ARRB1: variants seen among roughly 807,000 people sequenced by gnomAD.
The protein encoded by ARRB1 is beta-arrestin-1.
Under a neutral mutation model 56.8 loss-of-function variants are expected in ARRB1, and 21 were observed. The observed-to-expected ratio is 0.37, with a 90% CI of 0.26 to 0.53. The LOEUF (loss-of-function observed/expected upper bound fraction) is 0.53, where lower values mean the gene tolerates loss of function less well. ARRB1 is among the 20% of genes least tolerant of loss of function. The probability of loss-of-function intolerance (pLI) is 0.88; values close to 1 mark genes in which losing one functional copy is unlikely to be tolerated. For missense variants in ARRB1, 424 were observed against 553.7 expected (o/e 0.77, Z 2.35); for synonymous variants, 210 against 218.6 (o/e 0.96, Z 0.35).
At chr11:75,350,316 C>T (rs377391770) in intron 1 of ARRB1, among the ~76,000 whole-genome samples, 14 of 152,038 alleles carry the variant, frequency 9.2e-5, no homozygotes, top group Non-Finnish European at 1.8e-4. Context: ...CCCCACACTA[C>T]GCCTAGTATA....
intron 1 of ARRB1, among the ~76,000 whole-genome samples, chr11:75,332,129 T>G (rs1260101522): frequency 2.6e-5 from 4 of 151,380 alleles, no homozygotes; most frequent in Non-Finnish European, 5.9e-5. Flanking sequence ...CCCACCCCTA[T>G]CTCTCTCTCT....
intron 1 of ARRB1, among the ~76,000 whole-genome samples, chr11:75,308,209 G>A (rs916661331): frequency 3.3e-5 from 5 of 152,184 alleles, no homozygotes; most frequent in South Asian, 2.1e-4. Flanking sequence ...GTACTTTGCC[G>A]ACACTTTATG....
At chr11:75,306,111 C>T (rs1485230134) in intron 1 of ARRB1, among the ~76,000 whole-genome samples, 1 of 152,096 alleles carries the variant, frequency 6.6e-6, no homozygotes, top group African/African-American at 2.4e-5. Flanking sequence ...ATTTCAGTCC[C>T]GCTGGAGGCC....
chr11:75,334,119 C>G (rs2134976748), intron 1 of ARRB1, among the ~76,000 whole-genome samples: 2 of 152,270 alleles, frequency 1.3e-5, no homozygotes, highest in Middle Eastern at 6.8e-3. Context: ...ACCACAAGGT[C>G]AGAAGTTCAA....
At position 75,312,121 on chromosome 11, in the gene ARRB1, G is replaced by A. The variant is rs555203142; in HGVS notation, c.21-22082C>T. 5.4e-5 allele frequency: 69 copies of A among 1,289,416 alleles called. No individual in the cohort carries two copies. In the African/African-American group the frequency reaches 8.9e-4, roughly 17 times the overall value. 79.9% of individuals were successfully genotyped at this position (1,289,416 alleles called of 1,614,324 possible). ...CCTCTCCTCTCCCATCTCTTGCAGT[G>A]GCTGCTGCTGGCCTCTCCCTTCTCC... On this transcript the variant is annotated intron_variant, in intron 1 of 15. Transcript: ENST00000420843.
intron 1 of ARRB1, among the ~76,000 whole-genome samples, chr11:75,304,823 G>A (rs1946984761): frequency 6.6e-6 from 1 of 151,620 alleles, no homozygotes; most frequent in Admixed American, 6.6e-5. Context: ...CAGCACTCTG[G>A]GAGGCTGAAG....
intron 1 of ARRB1, among the ~76,000 whole-genome samples, chr11:75,293,339 T>A (rs1163745025): frequency 6.6e-6 from 1 of 152,158 alleles, no homozygotes; most frequent in Non-Finnish European, 1.5e-5. Context: ...GGTCTGCCTG[T>A]CTCCCGAGCC....
chr11:75,337,921 C>T (rs1282756045), intron 1 of ARRB1, among the ~76,000 whole-genome samples: 3 of 150,668 alleles, frequency 2.0e-5, no homozygotes, highest in Non-Finnish European at 2.9e-5. Context: ...TGTGAGCCAC[C>T]GCACCCAGGC....
At chr11:75,299,989 G>A (rs1301591760) in intron 1 of ARRB1, among the ~76,000 whole-genome samples, 2 of 151,988 alleles carry the variant, frequency 1.3e-5, no homozygotes, top group African/African-American at 2.4e-5. Flanking sequence ...GGCAGATCAC[G>A]AGGTCAGGAG....
At chr11:75,306,891 C>T (rs1237349615) in intron 1 of ARRB1, among the ~76,000 whole-genome samples, 2 of 137,676 alleles carry the variant, frequency 1.5e-5, no homozygotes, top group Admixed American at 1.4e-4. Context: ...TGACGGTCTC[C>T]CTAGACCACT....
chr11:75,306,726 G>C, intron 1 of ARRB1: 1 of 1,206,482 alleles, frequency 8.3e-7, no homozygotes. Flanking sequence ...CAAGTGAGGG[G>C]TTAGTTACAA....
At chr11:75,287,198 G>T in intron 3 of ARRB1, 117 bp downstream of exon 3, 1 of 1,031,732 alleles carries the variant, frequency 9.7e-7, no homozygotes. Context: ...CCTGAAGCAG[G>T]AAGCCATTCA....
chr11:75,311,574 A>C (rs1591963214), intron 1 of ARRB1, among the ~76,000 whole-genome samples: 1 of 152,354 alleles, frequency 6.6e-6, no homozygotes. Flanking sequence ...GCACATTTCA[A>C]AAATCAGTTC....
chr11:75,351,020 G>GTGT (rs1947840872), intron 1 of ARRB1, among the ~76,000 whole-genome samples: 2 of 152,318 alleles, frequency 1.3e-5, no homozygotes, highest in South Asian at 4.1e-4. Context: ...TGAGGGTGAT[G>GTGT]TGTGTGCCAG....
chr11:75,349,904 GC>G (rs1947821566), intron 1 of ARRB1, among the ~76,000 whole-genome samples: 1 of 152,238 alleles, frequency 6.6e-6, no homozygotes, highest in African/African-American at 2.4e-5. Flanking sequence ...GCCTGGCAGT[GC>G]CCTAGGGCCA....
intron 1 of ARRB1, among the ~76,000 whole-genome samples, chr11:75,335,735 C>A (rs1947592270): frequency 6.6e-6 from 1 of 152,088 alleles, no homozygotes; most frequent in Non-Finnish European, 1.5e-5. Flanking sequence ...GAATCCTGGG[C>A]CTGGAATCCT....
Position 75,262,391 on chromosome 11 carries a change from A to G in ARRB1, c.*3772T>C, listed in dbSNP as rs1945814340. ...GTTGCTGGGACCACTATTTTTGGGC[A>G]TGATATTCCTGAATTGTATCTAAAT... On this transcript the variant is annotated 3_prime_UTR_variant, in exon 16 of 16. Transcript: ENST00000420843. The G allele has an allele frequency of 6.6e-6, 1 of 152,270 alleles. No individual in the cohort carries two copies. Among genetic ancestry groups the G allele is most frequent in the South Asian group, 2.1e-4 (1 of 4,830 alleles). 9.4% of individuals were successfully genotyped at this position (152,270 alleles called of 1,614,324 possible).
chr11:75,277,894 G>A lies in ARRB1; in HGVS notation c.619-446C>T, dbSNP rs572725181. On this transcript the variant is annotated intron_variant, in intron 8 of 15. Transcript: ENST00000420843. ...ATGAAAGCAGTGTGACCGTGGGTAG[G>A]TTATCTAAGCCTCAGGGTCTCCCTC... Among the ~76,000 whole-genome samples the A allele has an allele frequency of 3.9e-5, 6 of 152,356 alleles. No homozygotes were observed. The South Asian group carries it at 1.0e-3, about 26-fold the overall frequency.
intron 13 of ARRB1, chr11:75,269,166 G>A (rs1476758336): frequency 2.7e-6 from 2 of 742,148 alleles, no homozygotes; most frequent in Non-Finnish European, 4.9e-6. Context: ...GTCCCAAAAA[G>A]AAATGGAAGC....
Sources: allele counts gnomAD v4.1 joint callset (sites outside exome capture counted in the v4.1 genomes callset), GRCh38; gene constraint gnomAD v4.1.1; transcripts MANE v1.5; gene names NCBI Gene and HGNC (gene_info 2026-07-23, HGNC 2026-07-21).